The following TBC1D23 variants were observed in gnomAD, a reference collection of about 807,000 sequenced individuals.
TBC1D23 encodes the protein TBC1 domain family member 23, also known as HCV non-structural protein 4A-transactivated protein 1.
In TBC1D23, 55 loss-of-function variants were observed where a neutral mutation model predicts 91.4. The ratio of observed to expected loss-of-function variants is 0.60; its 90% CI spans 0.48 to 0.75. TBC1D23 has a LOEUF of 0.75. Among genes scored for constraint, TBC1D23 ranks in the 30% least tolerant of loss-of-function variants. The pLI is 0.00. For missense variants in TBC1D23, 725 were observed against 836.1 expected (o/e 0.87, Z 1.64); for synonymous variants, 289 against 281.0 (o/e 1.03, Z -0.28).
rs1205968312 is a variant in TBC1D23 at position 100,320,974 on chromosome 3, A to G, written c.2018+3A>G. ...ATAGAAATCTTGGCAATCGAAAGGT[A>G]AGATTTTCCTTAAGATAATATTATC... On this transcript the variant is annotated splice_donor_region_variant and intron_variant, in intron 18 of 18. Transcript: ENST00000394144. 3 of 1,584,416 alleles carry G rather than the reference A, an allele frequency of 1.9e-6. No homozygotes were observed. Among genetic ancestry groups the G allele is most frequent in the Middle Eastern group, 4.0e-4 (2 of 4,992 alleles).
At chr3:100,263,341 G>C (rs915814844) in intron 1 of TBC1D23, among the ~76,000 whole-genome samples, 5 of 152,202 alleles carry the variant, frequency 3.3e-5, no homozygotes, top group Non-Finnish European at 5.9e-5. Flanking sequence ...AGTTAAGGCG[G>C]GGCAGGGCAT....
At chr3:100,318,914 A>G (rs1207526235) in intron 16 of TBC1D23, among the ~76,000 whole-genome samples, 155 bp from the exon 17 acceptor site, 1 of 152,102 alleles carries the variant, frequency 6.6e-6, no homozygotes, top group Non-Finnish European at 1.5e-5. Context: ...CAGCCTCCCA[A>G]AGTGCTGTGA....
intron 13 of TBC1D23, among the ~76,000 whole-genome samples, chr3:100,308,364 G>A (rs1350575867): frequency 2.0e-5 from 3 of 151,700 alleles, no homozygotes; most frequent in Non-Finnish European, 4.4e-5. Context: ...AGTCCCAGCT[G>A]CTCGGGAGGC....
chr3:100,302,473 G>A (rs1314750559), intron 11 of TBC1D23, among the ~76,000 whole-genome samples: 1 of 152,096 alleles, frequency 6.6e-6, no homozygotes, highest in African/African-American at 2.4e-5. Flanking sequence ...TATTTCTCCA[G>A]ATAGCTTACA....
chr3:100,310,339 C>A (rs550158704), intron 13 of TBC1D23, 64 bp from the exon 14 acceptor site: 6 of 1,416,376 alleles, frequency 4.2e-6, no homozygotes, highest in Non-Finnish European at 5.8e-6. Context: ...ATGTAGATAA[C>A]CATTAGCAGT....
intron 9 of TBC1D23, among the ~76,000 whole-genome samples, chr3:100,298,761 A>T (rs555506542): frequency 1.8e-4 from 28 of 152,326 alleles, no homozygotes; most frequent in African/African-American, 6.3e-4. Flanking sequence ...GTTTAAAGAG[A>T]TCCATGTGAA....
intron 1 of TBC1D23, among the ~76,000 whole-genome samples, chr3:100,262,134 A>T (rs981418582): frequency 5.9e-5 from 9 of 152,242 alleles, no homozygotes; most frequent in Non-Finnish European, 1.3e-4. Flanking sequence ...GGGCTCTCCA[A>T]GGTGTCAGAG....
At chr3:100,279,845 GA>G in intron 2 of TBC1D23, 85 bp downstream of exon 2, 1 of 777,668 alleles carries the variant, frequency 1.3e-6, no homozygotes, top group East Asian at 2.7e-5. Flanking sequence ...CTTAGTTGCA[GA>G]AAACTTTATT....
intron 1 of TBC1D23, among the ~76,000 whole-genome samples, chr3:100,276,942 T>C (rs1474715778): frequency 6.6e-6 from 1 of 152,226 alleles, no homozygotes; most frequent in Non-Finnish European, 1.5e-5. Flanking sequence ...CTAGAATAAA[T>C]GGACAAAGCC....
chr3:100,296,305 G>T, intron 8 of TBC1D23, 30 bp downstream of exon 8: 1 of 1,175,486 alleles, frequency 8.5e-7, no homozygotes, highest in Non-Finnish European at 1.2e-6. Flanking sequence ...CAACTATGTT[G>T]TATTTCATAT....
chr3:100,274,191 A>T (rs894512128), intron 1 of TBC1D23, among the ~76,000 whole-genome samples: 1 of 152,150 alleles, frequency 6.6e-6, no homozygotes, highest in African/African-American at 2.4e-5. Context: ...GTATTCATGG[A>T]TTCTGTTTAT....
chr3:100,310,287 T>G, intron 13 of TBC1D23, 116 bp from the exon 14 acceptor site: 2 of 906,522 alleles, frequency 2.2e-6, no homozygotes, highest in East Asian at 4.9e-5. Flanking sequence ...GAGTTAGGAC[T>G]TCAACATATG....
At chr3:100,308,183 A>G (rs1022720864) in intron 13 of TBC1D23, among the ~76,000 whole-genome samples, 11 of 152,214 alleles carry the variant, frequency 7.2e-5, no homozygotes, top group African/African-American at 2.7e-4. Context: ...TTTCTTCTAA[A>G]AATGAAAGTA....
intron 3 of TBC1D23, among the ~76,000 whole-genome samples, chr3:100,282,263 G>A (rs2067701504): frequency 6.6e-6 from 1 of 152,172 alleles, no homozygotes; most frequent in African/African-American, 2.4e-5. Flanking sequence ...AGTGACCTGA[G>A]ATCACACCAC....
chr3:100,265,574 A>T (rs756626523), intron 1 of TBC1D23, among the ~76,000 whole-genome samples: 24 of 152,340 alleles, frequency 1.6e-4, no homozygotes, highest in Non-Finnish European at 2.9e-4. Flanking sequence ...CTAGCACTGG[A>T]TTTGAACATA....
chr3:100,300,496 T>G (rs907003701), intron 10 of TBC1D23, among the ~76,000 whole-genome samples: 11 of 139,748 alleles, frequency 7.9e-5, no homozygotes, highest in Non-Finnish European at 1.2e-4. Flanking sequence ...ATACTTGAAT[T>G]AATTTTTTTT....
chr3:100,295,975 A>G (rs947470418), intron 7 of TBC1D23, among the ~76,000 whole-genome samples, 197 bp from the exon 8 acceptor site: 36 of 152,344 alleles, frequency 2.4e-4, no homozygotes, highest in African/African-American at 7.5e-4. Context: ...GCCTGACACT[A>G]TCCTTCACTG....
chr3:100,320,174 C>A (rs74419003), intron 17 of TBC1D23, among the ~76,000 whole-genome samples: 3,292 of 152,102 alleles, frequency 0.022, 57 homozygotes, highest in South Asian at 0.031. Flanking sequence ...GAGTCCAGGT[C>A]AATCATCCTA....
chr3:100,304,067 G>A (rs1425656280), intron 11 of TBC1D23, among the ~76,000 whole-genome samples: 1 of 152,030 alleles, frequency 6.6e-6, no homozygotes, highest in Non-Finnish European at 1.5e-5. Flanking sequence ...TCTAAAACAA[G>A]ATGTTGACAT....
Sources: allele counts gnomAD v4.1 joint callset (sites outside exome capture counted in the v4.1 genomes callset), GRCh38; gene constraint gnomAD v4.1.1; transcripts MANE v1.5; gene names NCBI Gene and HGNC (gene_info 2026-07-23, HGNC 2026-07-21).